Variants in TENM4 observed in about 807,000 individuals in gnomAD.
The protein encoded by TENM4 is teneurin transmembrane protein 4.
A neutral mutation model predicts 243.3 loss-of-function variants in TENM4; 82 were observed. The ratio of observed to expected loss-of-function variants is 0.34; its 90% CI spans 0.28 to 0.40. The LOEUF (loss-of-function observed/expected upper bound fraction) is 0.40, where lower values mean the gene tolerates loss of function less well. Among genes scored for constraint, TENM4 ranks in the 10% least tolerant of loss-of-function variants. The pLI, the probability that TENM4 is intolerant of heterozygous loss-of-function variation, is 1.00. For synonymous variants in TENM4, 1,412 were observed against 1,456.3 expected, an observed-to-expected ratio of 0.97 and a Z score of 0.69; for missense variants, 3,138 against 3,673.3, an observed-to-expected ratio of 0.85 and a Z score of 3.77.
intron 6 of TENM4, among the ~76,000 whole-genome samples, chr11:78,937,638 C>T (rs1365579401): frequency 6.6e-6 from 1 of 152,076 alleles, no homozygotes; most frequent in Non-Finnish European, 1.5e-5. Flanking sequence ...TGCACTAGGC[C>T]CAACAGAGCA....
intron 6 of TENM4, among the ~76,000 whole-genome samples, chr11:78,982,447 T>C (rs1056725407): frequency 6.6e-6 from 1 of 152,134 alleles, no homozygotes; most frequent in African/African-American, 2.4e-5. Context: ...TCCTGTCTGC[T>C]TAAGTGATTG....
chr11:78,869,815 T>TA (rs1309301645), intron 9 of TENM4, among the ~76,000 whole-genome samples: 4 of 152,094 alleles, frequency 2.6e-5, no homozygotes, highest in East Asian at 1.9e-4. Flanking sequence ...CATTACAATT[T>TA]AAAAAAAAAT....
In TENM4 at chr11:79,070,012, A is replaced by G; in HGVS notation, c.-65-3T>C. ...CGCCGCACTCAGGGCCGAGTGGTCT[A>G]GAGCCAGGGAAACCAAAGATAGGGC... On this transcript the variant is annotated splice_polypyrimidine_tract_variant and splice_region_variant and intron_variant, in intron 4 of 33. Transcript: ENST00000278550. The G allele has an allele frequency of 1.3e-6, 2 of 1,501,532 alleles. No homozygotes were observed. Among genetic ancestry groups the G allele is most frequent in the Non-Finnish European group, 1.8e-6 (2 of 1,127,958 alleles). 93.0% of individuals were successfully genotyped at this position (1,501,532 alleles called of 1,614,324 possible).
intron 12 of TENM4, among the ~76,000 whole-genome samples, chr11:78,830,511 AG>A (rs1225975312): frequency 6.6e-6 from 1 of 152,240 alleles, no homozygotes; most frequent in Non-Finnish European, 1.5e-5. Context: ...GCACCCTCCC[AG>A]GGAGCAGACT....
intron 3 of TENM4, among the ~76,000 whole-genome samples, chr11:79,178,118 TGGATGTG>T (rs1479487067): frequency 6.6e-6 from 1 of 152,086 alleles, no homozygotes; most frequent in African/African-American, 2.4e-5. Context: ...GCTGATGGGT[TGGATGTG>T]GGATGTGAGA....
At chr11:78,948,101 G>A (rs1857039900) in intron 6 of TENM4, among the ~76,000 whole-genome samples, 1 of 152,062 alleles carries the variant, frequency 6.6e-6, no homozygotes, top group Non-Finnish European at 1.5e-5. Context: ...TCAACCCTAA[G>A]GAAAAGTTGA....
chr11:79,112,749 A>G (rs1861533598), intron 4 of TENM4, among the ~76,000 whole-genome samples: 1 of 151,510 alleles, frequency 6.6e-6, no homozygotes, highest in Non-Finnish European at 1.5e-5. Flanking sequence ...GCCAGGCTGG[A>G]CTCCCTGCTG....
At chr11:79,151,695 GAAGTCTTC>G (rs1862515616) in intron 3 of TENM4, among the ~76,000 whole-genome samples, 1 of 151,972 alleles carries the variant, frequency 6.6e-6, no homozygotes, top group African/African-American at 2.4e-5. Context: ...CATTATCCCT[GAAGTCTTC>G]CCTGATTCTC....
intron 6 of TENM4, among the ~76,000 whole-genome samples, chr11:78,964,330 C>T (rs111722081): frequency 9.9e-5 from 15 of 152,074 alleles, no homozygotes; most frequent in Non-Finnish European, 1.5e-4. Context: ...TGTGAGCCAC[C>T]GTGCCTGGCC....
chr11:79,406,790 T>TA (rs976954590), intron 1 of TENM4, among the ~76,000 whole-genome samples: 15 of 152,208 alleles, frequency 9.9e-5, no homozygotes, highest in Admixed American at 2.6e-4. Context: ...ACTGTATTTT[T>TA]AAAAAAATAT....
intron 1 of TENM4, among the ~76,000 whole-genome samples, chr11:79,414,417 A>G (rs1211275910): frequency 6.6e-6 from 1 of 152,166 alleles, no homozygotes; most frequent in Non-Finnish European, 1.5e-5. Context: ...CTGCCTCCCA[A>G]TCCCAGAGTA....
chr11:79,356,802 T>G (rs114909369), intron 1 of TENM4, among the ~76,000 whole-genome samples: 54 of 152,314 alleles, frequency 3.5e-4, no homozygotes, highest in African/African-American at 1.2e-3. Flanking sequence ...TTTTTATATC[T>G]AATAGAATAA....
intron 7 of TENM4, among the ~76,000 whole-genome samples, chr11:78,902,366 C>G (rs187077483): frequency 6.6e-6 from 1 of 152,150 alleles, no homozygotes; most frequent in African/African-American, 2.4e-5. Flanking sequence ...GGAAGGAGAA[C>G]AGCTACAGAA....
At chr11:78,754,784 T>A (rs1277299003) in intron 19 of TENM4, among the ~76,000 whole-genome samples, 1 of 152,168 alleles carries the variant, frequency 6.6e-6, no homozygotes, top group Non-Finnish European at 1.5e-5. Context: ...CCTTGTGAAT[T>A]TGGGAAAGTT....
At chr11:78,976,795 C>T (rs777343106) in intron 6 of TENM4, among the ~76,000 whole-genome samples, 4 of 152,132 alleles carry the variant, frequency 2.6e-5, no homozygotes, top group Non-Finnish European at 5.9e-5. Flanking sequence ...GGAAGAAAAA[C>T]AAACTTTTTT....
chr11:78,803,184 T>C (rs1857316384), intron 15 of TENM4, among the ~76,000 whole-genome samples: 2 of 152,024 alleles, frequency 1.3e-5, no homozygotes. Context: ...TGCTTGTCAT[T>C]GCGCCCGGCT....
intron 7 of TENM4, among the ~76,000 whole-genome samples, chr11:78,891,967 C>T (rs1384163745): frequency 6.6e-6 from 1 of 152,152 alleles, no homozygotes; most frequent in Non-Finnish European, 1.5e-5. Context: ...GGGATTCTGT[C>T]AGCAGGTTGG....
intron 18 of TENM4, among the ~76,000 whole-genome samples, chr11:78,762,609 A>G (rs1405442982): frequency 6.6e-6 from 1 of 152,202 alleles, no homozygotes; most frequent in Non-Finnish European, 1.5e-5. Context: ...CATTTATTTA[A>G]CAAATATTTG....
chr11:79,188,979 T>A (rs1863428685), intron 3 of TENM4, among the ~76,000 whole-genome samples: 1 of 152,204 alleles, frequency 6.6e-6, no homozygotes, highest in South Asian at 2.1e-4. Flanking sequence ...AAATTATTAG[T>A]ATGAAATTCA....
Sources: allele counts gnomAD v4.1 joint callset (sites outside exome capture counted in the v4.1 genomes callset), GRCh38; gene constraint gnomAD v4.1.1; transcripts MANE v1.5; gene names NCBI Gene and HGNC (gene_info 2026-07-23, HGNC 2026-07-21).